Variants in SPECC1L observed in about 807,000 individuals in gnomAD.
SPECC1L encodes sperm antigen with calponin homology and coiled-coil domains 1 like.
In SPECC1L, 40 loss-of-function variants were observed where a neutral mutation model predicts 116.8. The ratio of observed to expected loss-of-function variants is 0.34; its 90% CI spans 0.27 to 0.45. The LOEUF (loss-of-function observed/expected upper bound fraction) is 0.45, where lower values mean the gene tolerates loss of function less well. Among genes scored for constraint, SPECC1L ranks in the 20% least tolerant of loss-of-function variants. The pLI is 1.00. For missense variants in SPECC1L, 1,110 were observed against 1,373.6 expected (o/e 0.81, Z 3.03); for synonymous variants, 504 against 500.6 (o/e 1.01, Z -0.09).
intron 14 of SPECC1L, among the ~76,000 whole-genome samples, chr22:24,390,252 G>A (rs1206089046): frequency 6.6e-6 from 1 of 152,066 alleles, no homozygotes; most frequent in East Asian, 1.9e-4. Flanking sequence ...CTCTCTCCAT[G>A]ATCAGAGTTA....
chr22:24,387,804 A>G lies in SPECC1L; in HGVS notation c.3087+18484A>G, dbSNP rs148684833. Among the ~76,000 whole-genome samples, 1,162 of 152,332 alleles carry G rather than the reference A, an allele frequency of 7.6e-3. 13 individuals are homozygous for G. The highest frequency in any genetic ancestry group is 0.026 in the African/African-American group (1,090 of 41,578). On this transcript the variant is annotated intron_variant, in intron 14 of 16. Transcript: ENST00000314328. ...GAATTGTATTGGTTAGAAGTCCAAC[A>G]TGGCTCTTACTGGACTAAAATCAAG... is the stretch of plus-strand genomic sequence containing the variant.
rs1556306072 is a variant in SPECC1L at position 24,390,867 on chromosome 22, C to CTTTTTTTTTTTTTTTTTTTTTTTTTTT, written c.3088-20717_3088-20716insTTTTTTTTTTTTTTTTTTTTTTTTTTT. ...GCCTGTGTTCCTTTTTTTTTTTTTT[C>CTTTTTTTTTTTTTTTTTTTTTTTTTTT]TTTTCTTTTTTTTTTTTTTTTTTTT... is the stretch of plus-strand genomic sequence containing the variant. On this transcript the variant is annotated intron_variant, in intron 14 of 16. Coordinates refer to ENST00000314328, the MANE Select transcript of SPECC1L (RefSeq NM_015330.6). 9.0e-4 allele frequency among the ~76,000 whole-genome samples: 43 copies of CTTTTTTTTTTTTTTTTTTTTTTTTTTT among 47,558 alleles called. 1 individual carries two copies. Among genetic ancestry groups the CTTTTTTTTTTTTTTTTTTTTTTTTTTT allele is most frequent in the Non-Finnish European group, 1.2e-3 (30 of 25,074 alleles). 31.2% of individuals were successfully genotyped at this position (47,558 alleles called of 152,430 possible).
At chr22:24,395,086 C>T (rs1298621091) in intron 14 of SPECC1L, among the ~76,000 whole-genome samples, 1 of 152,122 alleles carries the variant, frequency 6.6e-6, no homozygotes, top group Admixed American at 6.6e-5. Context: ...CCTCAGCCTC[C>T]CAAAGTACTA....
chr22:24,338,461 C>T lies in SPECC1L; in HGVS notation c.2636C>T (p.Ala879Val). Residue 879 changes from alanine (A) to valine (V), a missense_variant, in exon 10 of 17, where the codon GCT becomes GTT. By Grantham distance (64) the Ala-to-Val change is moderately conservative (BLOSUM62 0). Transcript: ENST00000314328. ...CCTATGAAAACCCCTCCTGCAGCAG[C>T]TGTGTCCCCTATGCAGGTGAGTGCC... Reference protein sequence around the residue: ...PSPMKTPPAAAVSPMQRHSIS... With the variant: ...PSPMKTPPAAVVSPMQRHSIS... 6.2e-7 allele frequency: 1 copy of T among 1,614,086 alleles called. No homozygotes were observed. Among genetic ancestry groups the T allele is most frequent in the Non-Finnish European group, 8.5e-7 (1 of 1,179,980 alleles).
intron 14 of SPECC1L, among the ~76,000 whole-genome samples, chr22:24,404,946 G>A (rs1425909624): frequency 1.3e-5 from 2 of 152,218 alleles, no homozygotes; most frequent in Non-Finnish European, 2.9e-5. Context: ...ATTTTAGGGT[G>A]TCACTGTGTC....
intron 14 of SPECC1L, among the ~76,000 whole-genome samples, chr22:24,395,017 A>T (rs1421760940): frequency 6.6e-6 from 1 of 152,064 alleles, no homozygotes; most frequent in Non-Finnish European, 1.5e-5. Flanking sequence ...TTTTGTAGAT[A>T]GGGTTTCATC....
chr22:24,290,720 G>T (rs568700520), intron 2 of SPECC1L, among the ~76,000 whole-genome samples: 1 of 152,252 alleles, frequency 6.6e-6, no homozygotes, highest in East Asian at 1.9e-4. Flanking sequence ...CCTCTTAGTA[G>T]TCCTTGACTT....
At chr22:24,294,687 C>G (rs1163268940) in intron 2 of SPECC1L, among the ~76,000 whole-genome samples, 13 of 152,060 alleles carry the variant, frequency 8.5e-5, no homozygotes, top group Non-Finnish European at 2.9e-5. Context: ...CCGGCCTGTC[C>G]TAGTCTTTAT....
intron 14 of SPECC1L, among the ~76,000 whole-genome samples, chr22:24,370,407 G>C (rs2041850261): frequency 6.7e-6 from 1 of 149,888 alleles, no homozygotes; most frequent in Non-Finnish European, 1.5e-5. Context: ...GCTTCCACTG[G>C]CTAACAAAGG....
intron 4 of SPECC1L, among the ~76,000 whole-genome samples, chr22:24,315,974 T>C (rs2040555441): frequency 6.6e-6 from 1 of 152,206 alleles, no homozygotes; most frequent in African/African-American, 2.4e-5. Context: ...TCATCTTACG[T>C]TAATTACCTC....
At chr22:24,324,474 C>T (rs1601555481) in intron 6 of SPECC1L, 47 bp downstream of exon 6, 3 of 1,517,114 alleles carry the variant, frequency 2.0e-6, no homozygotes, top group East Asian at 4.6e-5. Flanking sequence ...CTCTTTTAAA[C>T]ATGCGGGGAT....
intron 9 of SPECC1L, among the ~76,000 whole-genome samples, chr22:24,337,677 A>G (rs1298150399): frequency 6.6e-6 from 1 of 152,224 alleles, no homozygotes; most frequent in African/African-American, 2.4e-5. Flanking sequence ...AAAAAAGTCC[A>G]CAGTGGTCTG....
chr22:24,385,126 T>G (rs1337432711), intron 14 of SPECC1L, among the ~76,000 whole-genome samples: 1 of 151,818 alleles, frequency 6.6e-6, no homozygotes, highest in Non-Finnish European at 1.5e-5. Context: ...AAATACTGAT[T>G]ACATGTTGAA....
chr22:24,341,864 G>A (rs952520282), intron 10 of SPECC1L, among the ~76,000 whole-genome samples: 1 of 152,216 alleles, frequency 6.6e-6, no homozygotes, highest in South Asian at 2.1e-4. Flanking sequence ...GCCCACATTA[G>A]GAAGTGTGGG....
Position 24,299,724 on chromosome 22 carries a change from T to C in SPECC1L, c.-37-2471T>C, listed in dbSNP as rs62233091. Among the ~76,000 whole-genome samples the C allele has an allele frequency of 7.4e-3, 1,124 of 152,288 alleles. 6 individuals are homozygous for C. Among genetic ancestry groups the C allele is most frequent in the South Asian group, 0.012 (60 of 4,822 alleles). On this transcript the variant is annotated intron_variant, in intron 2 of 16. Transcript: ENST00000314328. ...ATGGTTTTTTTTTTAATTTTAGCTC[T>C]ATTGATATGTAATTTATATGTCATA...
intron 11 of SPECC1L, 53 bp from the exon 12 acceptor site, chr22:24,363,208 C>G: frequency 1.4e-6 from 2 of 1,422,838 alleles, no homozygotes; most frequent in South Asian, 2.3e-5. Flanking sequence ...ACCTTTATTA[C>G]TTTAAAGTTC....
intron 11 of SPECC1L, 61 bp from the exon 12 acceptor site, chr22:24,363,200 C>A: frequency 7.0e-7 from 1 of 1,430,712 alleles, no homozygotes; most frequent in Non-Finnish European, 9.9e-7. Flanking sequence ...TTCTTTGTAC[C>A]TTTATTACTT....
chr22:24,337,875 A>C (rs2041092148), intron 9 of SPECC1L, among the ~76,000 whole-genome samples: 1 of 152,202 alleles, frequency 6.6e-6, no homozygotes. Flanking sequence ...TATGCCAACA[A>C]GTGATTCCAC....
chr22:24,275,455 C>G (rs2048818593), intron 1 of SPECC1L, among the ~76,000 whole-genome samples: 1 of 151,966 alleles, frequency 6.6e-6, no homozygotes, highest in Admixed American at 6.6e-5. Context: ...TATTTTGGCA[C>G]CCAGAGACCA....
Sources: allele counts gnomAD v4.1 joint callset (sites outside exome capture counted in the v4.1 genomes callset), GRCh38; gene constraint gnomAD v4.1.1; transcripts MANE v1.5; gene names NCBI Gene and HGNC (gene_info 2026-07-23, HGNC 2026-07-21).